Variants in ENTPD1 observed in about 807,000 individuals in gnomAD.
ENTPD1 encodes ectonucleoside triphosphate diphosphohydrolase 1, also known as ATP diphosphohydrolase.
A neutral mutation model predicts 57.0 loss-of-function variants in ENTPD1; 33 were observed. The ratio of observed to expected loss-of-function variants is 0.58; its 90% CI spans 0.44 to 0.77. ENTPD1 has a LOEUF of 0.77. ENTPD1 is among the 30% of genes least tolerant of loss of function. ENTPD1 has a pLI of 0.00. For missense variants in ENTPD1, 501 were observed against 603.4 expected (o/e 0.83, Z 1.78); for synonymous variants, 202 against 218.8 (o/e 0.92, Z 0.68).
Position 95,858,140 on chromosome 10 carries a change from G to A in ENTPD1, c.1075-2329G>A, listed in dbSNP as rs1349372826. 8.2e-5 allele frequency among the ~76,000 whole-genome samples: 12 copies of A among 146,228 alleles called. No individual in the cohort carries two copies. The Admixed American group carries it at 8.3e-4, about 10-fold the overall frequency. On this transcript the variant is annotated intron_variant, in intron 7 of 9. Transcript: ENST00000371205. The stretch of plus-strand genomic sequence containing the variant: ...CCACTGCACTCCAGCCTGGGCGACA[G>A]AGCAAGACTCCATCTCAAAAAAAAA...
chr10:95,739,511 G>A (rs570292869), intron 1 of ENTPD1, among the ~76,000 whole-genome samples: 47 of 152,302 alleles, frequency 3.1e-4, no homozygotes, highest in African/African-American at 1.1e-3. Flanking sequence ...TCCATAAGAA[G>A]CAAGTCCTCA....
chr10:95,842,060 A>T (rs1272604571), intron 3 of ENTPD1, among the ~76,000 whole-genome samples: 1 of 152,198 alleles, frequency 6.6e-6, no homozygotes, highest in Non-Finnish European at 1.5e-5. Flanking sequence ...TATCTATAAT[A>T]TCCCCATTAA....
At chr10:95,694,798 T>G in the ENTPD1 span, among the ~76,000 whole-genome samples, 1 of 151,936 alleles carries the variant, frequency 6.6e-6, no homozygotes, top group Non-Finnish European at 1.5e-5. Flanking sequence ...TCCTTCGGTA[T>G]TGGAAATGTA....
In ENTPD1 at chr10:95,842,388, A is replaced by C; in HGVS notation, c.307A>C (p.Ile103Leu). Residue 103 changes from isoleucine (I) to leucine (L), a missense_variant, in exon 4 of 10, where the codon ATT becomes CTT. Physicochemically the swap from Ile to Leu is conservative, Grantham distance 5. Transcript: ENST00000371205. Reference protein sequence around the residue: ...KFVQKVNEIGIYLTDCMERAR... With the variant: ...KFVQKVNEIGLYLTDCMERAR... The stretch of plus-strand genomic sequence containing the variant: ...TGTTCAGAAAGTAAATGAAATAGGC[A>C]TTTACCTGACTGATTGCATGGAAAG... 1.2e-6 allele frequency: 2 copies of C among 1,614,082 alleles called. No homozygotes were observed. Among genetic ancestry groups the C allele is most frequent in the Non-Finnish European group, 1.7e-6 (2 of 1,179,986 alleles).
chr10:95,815,416 T>C (rs531716778), intron 1 of ENTPD1, among the ~76,000 whole-genome samples: 12 of 152,296 alleles, frequency 7.9e-5, no homozygotes, highest in Admixed American at 2.6e-4. Context: ...AGGGATGAGA[T>C]TCATGATTTC....
chr10:95,843,996 T>G (rs368346715), intron 4 of ENTPD1, among the ~76,000 whole-genome samples: 1 of 152,162 alleles, frequency 6.6e-6, no homozygotes, highest in African/African-American at 2.4e-5. Context: ...CAGAGGAGAT[T>G]GGATATCTAT....
chr10:95,867,352 T>C lies in ENTPD1; in HGVS notation c.*969T>C. The stretch of plus-strand genomic sequence containing the variant: ...CAGAACATTTGCATCATCAATACAT[T>C]GTCTAGAGACAAGACTATCCTGGGT... On this transcript the variant is annotated 3_prime_UTR_variant, in exon 10 of 10. Coordinates refer to ENST00000371205, the MANE Select transcript of ENTPD1 (RefSeq NM_001776.6). 1 of 985,488 alleles carries C rather than the reference T, an allele frequency of 1.0e-6. No individual in the cohort carries two copies. The highest frequency in any genetic ancestry group is 1.2e-6 in the Non-Finnish European group (1 of 829,940). 61.0% of individuals were successfully genotyped at this position (985,488 alleles called of 1,614,324 possible). A position where few individuals can be genotyped will look rare whatever the true frequency, so the allele number is the denominator to read the frequency against.
At chr10:95,779,320 C>CCTGGTT (rs1296779536) in intron 1 of ENTPD1, among the ~76,000 whole-genome samples, 3 of 152,130 alleles carry the variant, frequency 2.0e-5, no homozygotes, top group African/African-American at 7.2e-5. Context: ...CCTGAAGAGG[C>CCTGGTT]CTGGTTCTGC....
intron 1 of ENTPD1, 181 bp downstream of exon 1, chr10:95,756,436 A>G (rs942299274): frequency 1.4e-6 from 1 of 701,028 alleles, no homozygotes; most frequent in Non-Finnish European, 2.4e-6. Context: ...TTTAGGAAGC[A>G]GAGTCCAGGG....
Position 95,867,743 on chromosome 10 carries a change from C to T in ENTPD1, c.*1360C>T. On this transcript the variant is annotated 3_prime_UTR_variant, in exon 10 of 10. Transcript: ENST00000371205. Reference sequence around the variant, plus strand: ...TTGACTGGTGATGTTTCATTCTGACCTTGTCCCAAGCTCTCCATCTCTAGA... The same window carrying T: ...TTGACTGGTGATGTTTCATTCTGACTTTGTCCCAAGCTCTCCATCTCTAGA... The T allele has an allele frequency of 1.0e-6, 1 of 985,420 alleles. No individual in the cohort carries two copies. The allele number at this position is 985,420 out of a possible 1,614,324, so 61.0% of individuals were successfully genotyped here.
chr10:95,728,485 A>G (rs1406051390), intron 1 of ENTPD1, among the ~76,000 whole-genome samples: 1 of 152,184 alleles, frequency 6.6e-6, no homozygotes, highest in Non-Finnish European at 1.5e-5. Context: ...ATATCAAGCA[A>G]TTCATCTTTT....
At chr10:95,702,939 G>A in the ENTPD1 span, among the ~76,000 whole-genome samples, 2 of 151,872 alleles carry the variant, frequency 1.3e-5, no homozygotes, top group South Asian at 4.2e-4. Flanking sequence ...CTGCCACCAC[G>A]CCAGGCTAAA....
At chr10:95,832,178 A>G (rs2098398501) in intron 2 of ENTPD1, among the ~76,000 whole-genome samples, 1 of 152,192 alleles carries the variant, frequency 6.6e-6, no homozygotes, top group Admixed American at 6.5e-5. Flanking sequence ...ACCCAGGACC[A>G]ACCTGGTAGC....
intron 8 of ENTPD1, among the ~76,000 whole-genome samples, chr10:95,860,838 C>T (rs1192862580): frequency 1.3e-5 from 2 of 152,198 alleles, no homozygotes; most frequent in African/African-American, 4.8e-5. Context: ...GGCATGGGGT[C>T]AGCAGCTCTG....
chr10:95,751,839 G>T (rs1248328321), upstream of ENTPD1, among the ~76,000 whole-genome samples: 1 of 152,162 alleles, frequency 6.6e-6, no homozygotes, highest in African/African-American at 2.4e-5. Context: ...ACACCCAGTA[G>T]GTGGATGGAA....
rs139137811 is a variant in ENTPD1, at chr10:95,870,499, G to A, written c.*4116G>A. 871 of 917,940 alleles carry A rather than the reference G, an allele frequency of 9.5e-4. 4 individuals are homozygous for A. In the African/African-American group the frequency reaches 0.014, roughly 15 times the overall value. 56.9% of individuals were successfully genotyped at this position (917,940 alleles called of 1,614,324 possible). Reference sequence around the variant, plus strand: ...TTCCTATGTTGTCCAGGCTGGTCTCGAACTCCTGCCCTCAAGCAATCCTCC... The same window carrying A: ...TTCCTATGTTGTCCAGGCTGGTCTCAAACTCCTGCCCTCAAGCAATCCTCC... On this transcript the variant is annotated 3_prime_UTR_variant, in exon 10 of 10. Transcript: ENST00000371205.
chr10:95,844,178 C>T (rs1239708441), intron 4 of ENTPD1, among the ~76,000 whole-genome samples: 1 of 152,104 alleles, frequency 6.6e-6, no homozygotes, highest in Non-Finnish European at 1.5e-5. Context: ...ATTTTAAGAG[C>T]CTTTGATAAC....
chr10:95,847,552 T>A lies in ENTPD1; in HGVS notation c.920T>A (p.Met307Lys), dbSNP rs373236811. The change falls in exon 7 of 10, where the codon ATG (methionine) becomes AAG (lysine). Residue 307 changes from methionine (M) to lysine (K), a missense_variant. By Grantham distance (95) the Met-to-Lys change is moderately conservative. Coordinates refer to ENST00000371205, the MANE Select transcript of ENTPD1 (RefSeq NM_001776.6). ...YKTPCTKRFEMTLPFQQFEIQ... is the reference protein window; with the variant it reads ...YKTPCTKRFEKTLPFQQFEIQ... ...ACCCCCTGCACCAAGAGATTTGAGA[T>A]GACTCTTCCATTCCAGCAGTTTGAA... is the stretch of plus-strand genomic sequence containing the variant. 665 of 1,614,048 alleles carry A rather than the reference T, an allele frequency of 4.1e-4. 1 individual carries two copies. The highest frequency in any genetic ancestry group is 5.5e-4 in the Non-Finnish European group (654 of 1,180,026).
intron 7 of ENTPD1, among the ~76,000 whole-genome samples, chr10:95,851,317 A>AT (rs1229051337): frequency 6.6e-6 from 1 of 151,558 alleles, no homozygotes; most frequent in Non-Finnish European, 1.5e-5. Flanking sequence ...TATTTTTTTA[A>AT]TTTTTTTTGA....
Sources: allele counts gnomAD v4.1 joint callset (sites outside exome capture counted in the v4.1 genomes callset), GRCh38; gene constraint gnomAD v4.1.1; transcripts MANE v1.5; gene names NCBI Gene and HGNC (gene_info 2026-07-23, HGNC 2026-07-21).